Variants in CCSER1 observed in about 807,000 individuals in gnomAD.
CCSER1 encodes the protein coiled-coil serine rich protein 1.
In CCSER1, 41 loss-of-function variants were observed where a neutral mutation model predicts 82.0. The ratio of observed to expected loss-of-function variants is 0.50; its 90% CI spans 0.39 to 0.65. The LOEUF is 0.65. Ranked by LOEUF, CCSER1 falls within the 30% of genes least tolerant of loss-of-function variation. CCSER1 has a pLI of 0.00. For synonymous variants in CCSER1, 414 were observed against 383.9 expected (o/e 1.08, Z -0.92); for missense variants, 1,119 against 1,064.2 (o/e 1.05, Z -0.72).
chr4:90,436,207 T>A (rs1011455719), intron 4 of CCSER1, among the ~76,000 whole-genome samples: 1 of 152,192 alleles, frequency 6.6e-6, no homozygotes, highest in African/African-American at 2.4e-5. Context: ...TAATCAGTTA[T>A]ATTTAAGTGA....
intron 10 of CCSER1, among the ~76,000 whole-genome samples, chr4:91,538,290 G>A (rs1761399324): frequency 6.6e-6 from 1 of 151,818 alleles, no homozygotes; most frequent in Non-Finnish European, 1.5e-5. Context: ...GAAAGCAAAT[G>A]TTCTTCTCAG....
intron 10 of CCSER1, among the ~76,000 whole-genome samples, chr4:91,588,031 A>T (rs549064777): frequency 2.6e-5 from 4 of 151,610 alleles, no homozygotes; most frequent in Non-Finnish European, 5.9e-5. Context: ...AATAATTGAC[A>T]ATTATTTTAG....
intron 4 of CCSER1, among the ~76,000 whole-genome samples, chr4:90,467,698 A>AG (rs1206430564): frequency 6.8e-6 from 1 of 147,704 alleles, no homozygotes; most frequent in Non-Finnish European, 1.5e-5. Context: ...ACAAAACAAA[A>AG]CCAAAAAAAA....
rs191418262 is a variant in CCSER1 at position 91,368,621 on chromosome 4, G to A, written c.2218-229951G>A. 3.5e-3 allele frequency among the ~76,000 whole-genome samples: 536 copies of A among 152,030 alleles called. 3 individuals carry two copies. The highest frequency in any genetic ancestry group is 0.012 in the African/African-American group (515 of 41,492). ...TATTTCTTTGAGGGAGCTTATTTTA[G>A]CTCCTCTGTTGTCTCCTGGATTCAT... On this transcript the variant is annotated intron_variant, in intron 10 of 10. Coordinates refer to ENST00000509176, the MANE Select transcript of CCSER1 (RefSeq NM_001145065.2).
intron 10 of CCSER1, among the ~76,000 whole-genome samples, chr4:91,128,985 A>G (rs1727755835): frequency 6.6e-6 from 1 of 152,120 alleles, no homozygotes; most frequent in Admixed American, 6.6e-5. Context: ...GTATAGCGAT[A>G]TAAGGTGGAT....
chr4:90,723,518 C>A (rs1021150651), intron 6 of CCSER1, among the ~76,000 whole-genome samples: 5 of 151,570 alleles, frequency 3.3e-5, no homozygotes, highest in African/African-American at 9.7e-5. Flanking sequence ...AGAAGAAAAA[C>A]TGTAATACAC....
chr4:90,929,112 T>C (rs1729415486), intron 9 of CCSER1, among the ~76,000 whole-genome samples: 1 of 152,114 alleles, frequency 6.6e-6, no homozygotes, highest in Admixed American at 6.5e-5. Flanking sequence ...CAGAGCAGAG[T>C]TGGATTTATA....
intron 10 of CCSER1, among the ~76,000 whole-genome samples, chr4:91,142,931 C>A (rs1729175725): frequency 6.7e-6 from 1 of 149,070 alleles, no homozygotes; most frequent in Middle Eastern, 3.5e-3. Flanking sequence ...CTGCTTTGTT[C>A]TTTTTGCTTA....
At chr4:90,223,406 A>T (rs62313911) in intron 1 of CCSER1, among the ~76,000 whole-genome samples, 57,197 of 151,684 alleles carry the variant, frequency 0.38, 10,870 homozygotes, top group South Asian at 0.48. Flanking sequence ...ATTTATATTG[A>T]TGGAGGGACC....
At chr4:90,149,892 G>A (rs371984003) in intron 1 of CCSER1, among the ~76,000 whole-genome samples, 2 of 151,986 alleles carry the variant, frequency 1.3e-5, no homozygotes, top group East Asian at 3.9e-4. Flanking sequence ...AATGTTTTTT[G>A]GAGTAAAATA....
intron 5 of CCSER1, among the ~76,000 whole-genome samples, chr4:90,566,851 C>T (rs1393031055): frequency 1.3e-5 from 2 of 152,068 alleles, no homozygotes; most frequent in Admixed American, 1.3e-4. Flanking sequence ...ATCCGCCCAT[C>T]TCGGCCTCCC....
At chr4:90,271,747 C>T (rs957796436) in intron 1 of CCSER1, among the ~76,000 whole-genome samples, 9 of 141,660 alleles carry the variant, frequency 6.4e-5, no homozygotes, top group Non-Finnish European at 1.1e-4. Context: ...GTCCATCTGA[C>T]AAGGAATTAA....
intron 6 of CCSER1, among the ~76,000 whole-genome samples, chr4:90,661,418 G>T (rs925106579): frequency 6.6e-5 from 10 of 152,124 alleles, no homozygotes; most frequent in Non-Finnish European, 1.3e-4. Flanking sequence ...GAGAATTTGT[G>T]AGTGTATTTA....
At chr4:90,684,770 A>C (rs1234244980) in intron 6 of CCSER1, among the ~76,000 whole-genome samples, 1 of 151,986 alleles carries the variant, frequency 6.6e-6, no homozygotes, top group Non-Finnish European at 1.5e-5. Flanking sequence ...TATTTCCCAC[A>C]CTGTTCTCGT....
chr4:91,068,794 A>G (rs1721112824), intron 9 of CCSER1, among the ~76,000 whole-genome samples: 1 of 152,232 alleles, frequency 6.6e-6, no homozygotes, highest in Admixed American at 6.5e-5. Flanking sequence ...AGTTTGATAT[A>G]GGTAAAGGCC....
chr4:91,100,289 T>C (rs907674247), intron 10 of CCSER1, among the ~76,000 whole-genome samples: 1 of 152,200 alleles, frequency 6.6e-6, no homozygotes, highest in Admixed American at 6.5e-5. Flanking sequence ...CAAAAGTTTG[T>C]TGAGAAAATG....
intron 5 of CCSER1, among the ~76,000 whole-genome samples, chr4:90,604,243 C>G (rs1426514745): frequency 6.6e-6 from 1 of 152,138 alleles, no homozygotes; most frequent in African/African-American, 2.4e-5. Context: ...CTATATCTCA[C>G]AGAAATCTTC....
intron 9 of CCSER1, among the ~76,000 whole-genome samples, chr4:90,995,812 T>C (rs1192583045): frequency 6.6e-6 from 1 of 152,076 alleles, no homozygotes; most frequent in Non-Finnish European, 1.5e-5. Context: ...AGATCCATAG[T>C]TGATTTGTGG....
In CCSER1 at chr4:91,272,787, G is replaced by A. The variant is rs377277106; in HGVS notation, c.2217+186793G>A. ...TATTTTTGAATAAGGTGAAAGATGA[G>A]GATCCAGTTTCATTCTCCTACATGT... On this transcript the variant is annotated intron_variant, in intron 10 of 10. Coordinates refer to ENST00000509176, the MANE Select transcript of CCSER1 (RefSeq NM_001145065.2). Among the ~76,000 whole-genome samples the A allele has an allele frequency of 5.4e-4, 82 of 152,286 alleles. 1 individual carries two copies. The South Asian group carries it at 0.017, about 31-fold the overall frequency.
Sources: allele counts gnomAD v4.1 joint callset (sites outside exome capture counted in the v4.1 genomes callset), GRCh38; gene constraint gnomAD v4.1.1; transcripts MANE v1.5; gene names NCBI Gene and HGNC (gene_info 2026-07-23, HGNC 2026-07-21).